The following SRRM2 variants were observed in gnomAD, a reference collection of about 807,000 sequenced individuals.
The protein encoded by SRRM2 is serine/arginine repetitive matrix 2.
In SRRM2, 30 loss-of-function variants were observed where a neutral mutation model predicts 213.8. The ratio of observed to expected loss-of-function variants is 0.14; its 90% CI spans 0.10 to 0.19. The LOEUF (loss-of-function observed/expected upper bound fraction) is 0.19, where lower values mean the gene tolerates loss of function less well. Ranked by LOEUF, SRRM2 falls within the 10% of genes least tolerant of loss-of-function variation. The pLI is 1.00. For synonymous variants in SRRM2, 2,025 were observed against 1,377.7 expected (o/e 1.47, Z -10.40); for missense variants, 4,904 against 3,647.0 (o/e 1.34, Z -8.88).
chr16:2,764,127 T>A lies in SRRM2; in HGVS notation c.3599T>A (p.Leu1200Gln), dbSNP rs2068457929. ...FPVQDRPESS[L>Q]VFKDTLRTPP... ...GTACAGGATAGGCCTGAGTCTTCACTGGTATTCAAAGACACACTTAGAACC... is the reference window on the plus strand; with the variant it reads ...GTACAGGATAGGCCTGAGTCTTCACAGGTATTCAAAGACACACTTAGAACC... Residue 1200 changes from leucine to glutamine, a missense_variant, in exon 11 of 15, where the codon CTG becomes CAG. Transcript: ENST00000301740. 6.2e-7 allele frequency: 1 copy of A among 1,614,178 alleles called. No homozygotes were observed. Among genetic ancestry groups the A allele is most frequent in the Non-Finnish European group, 8.5e-7 (1 of 1,180,032 alleles).
Position 2,759,410 on chromosome 16 carries a change from A to G in SRRM2, c.740+8A>G. 4 of 1,593,118 alleles carry G rather than the reference A, an allele frequency of 2.5e-6. No individual in the cohort carries two copies. Among genetic ancestry groups the G allele is most frequent in the Non-Finnish European group, 3.4e-6 (4 of 1,172,354 alleles). On this transcript the variant is annotated splice_region_variant and intron_variant, in intron 8 of 14. Coordinates refer to ENST00000301740, the MANE Select transcript of SRRM2 (RefSeq NM_016333.4). ...GGACAAAAAGCGAAAGCGGTGAGTG[A>G]ATTTGTGGGGAATTTGCTTAGGAAG...
chr16:2,756,357 A>G lies in SRRM2; in HGVS notation c.-8A>G. 2 of 1,594,844 alleles carry G rather than the reference A, an allele frequency of 1.3e-6. No homozygotes were observed. Among genetic ancestry groups the G allele is most frequent in the Non-Finnish European group, 1.7e-6 (2 of 1,173,442 alleles). Reference sequence around the variant, plus strand: ...AGGAGCGGTGGTGCCCCCCCCGGGCACGGGGCCATGTACAACGGGATCGGG... The same window carrying G: ...AGGAGCGGTGGTGCCCCCCCCGGGCGCGGGGCCATGTACAACGGGATCGGG... On this transcript the variant is annotated 5_prime_UTR_variant, in exon 2 of 15. Transcript: ENST00000301740.
rs772132063 is a variant in SRRM2 at position 2,770,884 on chromosome 16, T to C, written c.*17T>C. 5 of 1,613,786 alleles carry C rather than the reference T, an allele frequency of 3.1e-6. No individual in the cohort carries two copies. The highest frequency in any genetic ancestry group is 1.1e-5 in the South Asian group (1 of 91,000). ...TCTCCATAAATTGTCTTTGGGGGAT[T>C]CCACCACACCCAATGCTCTGGAGCC... On this transcript the variant is annotated 3_prime_UTR_variant, in exon 15 of 15. Transcript: ENST00000301740.
At position 2,770,365 on chromosome 16, in the gene SRRM2, C is replaced by A. The variant is rs756209227; in HGVS notation, c.8035C>A (p.Arg2679=). The change falls in exon 13 of 15, where the codon CGG becomes AGG. Residue 2679 remains arginine, a synonymous_variant. Coordinates refer to ENST00000301740, the MANE Select transcript of SRRM2 (RefSeq NM_016333.4). Reference sequence around the variant, plus strand: ...TGTGTTCCCCAGGTCCCGCAGCCCCCGGAAGCCAATAGACTCCCTCAGGGA... The same window carrying A: ...TGTGTTCCCCAGGTCCCGCAGCCCCAGGAAGCCAATAGACTCCCTCAGGGA... ...PPGERRSRSP[R]KPIDSLRDSR... 1 of 1,601,436 alleles carries A rather than the reference C, an allele frequency of 6.2e-7. No individual in the cohort carries two copies.
Position 2,765,227 on chromosome 16 carries a change from G to A in SRRM2, c.4699G>A (p.Ala1567Thr), listed in dbSNP as rs891834884. The A allele has an allele frequency of 2.5e-6, 4 of 1,613,944 alleles. No individual in the cohort carries two copies. Among genetic ancestry groups the A allele is most frequent in the Non-Finnish European group, 3.4e-6 (4 of 1,179,968 alleles). Residue 1567 changes from alanine (A) to threonine (T), a missense_variant, in exon 11 of 15, where the codon GCC becomes ACC. By Grantham distance (58) the Ala-to-Thr change is moderately conservative. Coordinates refer to ENST00000301740, the MANE Select transcript of SRRM2 (RefSeq NM_016333.4). Reference protein sequence around the residue: ...SESDSSPDSKAKTRTPLRQRS... With the variant: ...SESDSSPDSKTKTRTPLRQRS... ...GTCAGACTCTTCTCCAGATTCTAAA[G>A]CCAAGACAAGAACCCCACTTCGGCA...
intron 12 of SRRM2, chr16:2,769,491 G>T: frequency 1.6e-6 from 1 of 640,824 alleles, no homozygotes; most frequent in Non-Finnish European, 2.8e-6. Context: ...GCTCAGGCCA[G>T]GACCAGGGGG....
chr16:2,764,837 A>G lies in SRRM2; in HGVS notation c.4309A>G (p.Arg1437Gly). ...AGATGGTTTACCCAGAACTCCATCA[A>G]GGAGAAGCAGGTCTGGGTCTTCTCC... ...MKDGLPRTPS[R>G]RSRSGSSPGL... The change falls in exon 11 of 15, where the codon AGG becomes GGG. Residue 1437 changes from arginine (R) to glycine (G), a missense_variant. Arg to Gly is a moderately radical substitution (Grantham distance 125). Transcript: ENST00000301740. 1 of 1,614,240 alleles carries G rather than the reference A, an allele frequency of 6.2e-7. No individual in the cohort carries two copies. The highest frequency in any genetic ancestry group is 1.3e-5 in the African/African-American group (1 of 75,060).
In SRRM2 at chr16:2,762,385, A is replaced by G. The variant is rs983510603; in HGVS notation, c.1857A>G (p.Thr619=). Reference sequence around the variant, plus strand: ...GGAGGGGCAGGTCTCGGTCTAGAACACCTGCTAGGCGCAGATCTAGGACCC... The same window carrying G: ...GGAGGGGCAGGTCTCGGTCTAGAACGCCTGCTAGGCGCAGATCTAGGACCC... ...PARRGRSRSR[T]PARRRSRTRS... is the part of the protein sequence containing the mutation. Residue 619 remains threonine (T), a synonymous_variant, in exon 11 of 15, where the codon ACA becomes ACG. Coordinates refer to ENST00000301740, the MANE Select transcript of SRRM2 (RefSeq NM_016333.4). 9 of 1,614,224 alleles carry G rather than the reference A, an allele frequency of 5.6e-6. No individual in the cohort carries two copies. The South Asian group carries it at 6.6e-5, about 12-fold the overall frequency.
chr16:2,758,425 T>C, intron 4 of SRRM2, 45 bp from the exon 5 acceptor site: 2 of 1,452,622 alleles, frequency 1.4e-6, no homozygotes. Flanking sequence ...AAGAAAGGAA[T>C]GTTTGTTCTA....
Position 2,766,753 on chromosome 16 carries a change from C to T in SRRM2, c.6225C>T (p.Ile2075=), listed in dbSNP as rs531999012. 2 of 1,614,224 alleles carry T rather than the reference C, an allele frequency of 1.2e-6. No homozygotes were observed. The highest frequency in any genetic ancestry group is 1.1e-5 in the South Asian group (1 of 91,080). ...CCTTAACAAGATCTCCTCCAGCCAT[C>T]CGCAGGCGTTCTGCATCTGGAAGTA... ...KRSLTRSPPA[I]RRRSASGSSS... The change falls in exon 11 of 15, where the codon ATC becomes ATT. Residue 2075 remains isoleucine (I), a synonymous_variant. Coordinates refer to ENST00000301740, the MANE Select transcript of SRRM2 (RefSeq NM_016333.4). The surrounding 1 kb of genome is among the most constrained non-coding windows in gnomAD (Gnocchi z 7.0).
chr16:2,753,239 A>C (rs548260421), intron 1 of SRRM2, among the ~76,000 whole-genome samples: 6 of 152,074 alleles, frequency 3.9e-5, no homozygotes, highest in Non-Finnish European at 5.9e-5. Flanking sequence ...TTGCTCCTGG[A>C]CCCTTGCCCC....
Position 2,763,387 on chromosome 16 carries a change from A to G in SRRM2, c.2859A>G (p.Val953=), listed in dbSNP as rs2068431849. Residue 953 remains valine (V), a synonymous_variant, in exon 11 of 15, where the codon GTA becomes GTG. Transcript: ENST00000301740. ...CAACTCCACGGCGAAGCAGATCAGT[A>G]TCTCCCTGCTCCAATGTGGAATCCA... ...SRTTPRRSRS[V]SPCSNVESRL... The G allele has an allele frequency of 1.2e-6, 2 of 1,614,210 alleles. No homozygotes were observed. Among genetic ancestry groups the G allele is most frequent in the African/African-American group, 1.3e-5 (1 of 75,060 alleles).
Position 2,759,589 on chromosome 16 carries a change from C to T in SRRM2, c.761C>T (p.Ala254Val), listed in dbSNP as rs758447363. 2 of 1,613,960 alleles carry T rather than the reference C, an allele frequency of 1.2e-6. No individual in the cohort carries two copies. Among genetic ancestry groups the T allele is most frequent in the Non-Finnish European group, 8.5e-7 (1 of 1,180,018 alleles). The change falls in exon 9 of 15, where the codon GCC becomes GTC. Residue 254 changes from alanine to valine, a missense_variant. Ala to Val is a moderately conservative substitution (Grantham distance 64). Transcript: ENST00000301740. The stretch of plus-strand genomic sequence containing the variant: ...TTCAGGTCTCGAAGTACAACACCAG[C>T]CCCCAAGAGCCGCCGGGCCCACCGT... ...KRKRSRSTTP[A>V]PKSRRAHRST...
At chr16:2,757,609 T>G (rs2068191459) in intron 3 of SRRM2, 30 bp downstream of exon 3, 1 of 1,598,524 alleles carries the variant, frequency 6.3e-7, no homozygotes, top group Non-Finnish European at 8.5e-7. Context: ...TCGATGACTC[T>G]GGACTCTACT....
chr16:2,755,685 T>A (rs1167999952), intron 1 of SRRM2, among the ~76,000 whole-genome samples: 1 of 152,230 alleles, frequency 6.6e-6, no homozygotes, highest in Non-Finnish European at 1.5e-5. Context: ...CCAAGGTTCA[T>A]GTGTGTTTCT....
intron 11 of SRRM2, 57 bp downstream of exon 11, chr16:2,768,318 G>A: frequency 1.3e-6 from 2 of 1,502,462 alleles, no homozygotes; most frequent in Non-Finnish European, 1.8e-6. Flanking sequence ...GGATGGGTTG[G>A]GGAGTGGGGA....
intron 12 of SRRM2, 63 bp from the exon 13 acceptor site, chr16:2,770,289 C>G (rs1159405353): frequency 6.7e-7 from 1 of 1,498,750 alleles, no homozygotes; most frequent in Non-Finnish European, 9.0e-7. Context: ...GGCGGGTGGT[C>G]CTGAGTGCTG....
rs2068664387 is a variant in SRRM2, at chr16:2,769,495, C to CAG, written c.8021+212_8021+213dup. On this transcript the variant is annotated intron_variant, in intron 12 of 14. Coordinates refer to ENST00000301740, the MANE Select transcript of SRRM2 (RefSeq NM_016333.4). Reference sequence around the variant, plus strand: ...TCCACAGCGGCGCTCAGGCCAGGACCAGGGGGTCCTTGGTTTCTTCCTCTC... The same window carrying CAG: ...TCCACAGCGGCGCTCAGGCCAGGACCAGAGGGGGTCCTTGGTTTCTTCCTCTC... The CAG allele has an allele frequency of 1.6e-5, 10 of 640,082 alleles. No homozygotes were observed. The South Asian group carries it at 1.8e-4, about 12-fold the overall frequency. The allele number at this position is 640,082 out of a possible 1,614,324, so 39.7% of individuals were successfully genotyped here.
chr16:2,771,163 A>C lies in SRRM2; in HGVS notation c.*296A>C. The C allele has an allele frequency of 1.6e-6, 1 of 622,924 alleles. No homozygotes were observed. The highest frequency in any genetic ancestry group is 2.0e-5 in the South Asian group (1 of 51,256). The allele number at this position is 622,924 out of a possible 1,614,324, so 38.6% of individuals were successfully genotyped here. ...GATACCCCAGCCTGGAGTCAGGGCC[A>C]GGGAGGCATGGCCCCACTTGTATCC... On this transcript the variant is annotated 3_prime_UTR_variant, in exon 15 of 15. Transcript: ENST00000301740.
Sources: allele counts gnomAD v4.1 joint callset (sites outside exome capture counted in the v4.1 genomes callset), GRCh38; gene constraint gnomAD v4.1.1; non-coding constraint Gnocchi (gnomAD v3.1); transcripts MANE v1.5; gene names NCBI Gene and HGNC (gene_info 2026-07-23, HGNC 2026-07-21).